The following DAB1 variants were observed in gnomAD, a reference collection of about 807,000 sequenced individuals.
DAB1 encodes the protein disabled homolog 1.
A neutral mutation model predicts 64.6 loss-of-function variants in DAB1; 15 were observed. The observed-to-expected ratio is 0.23, with a 90% confidence interval of 0.16 to 0.36. DAB1 has a LOEUF of 0.36. Ranked by LOEUF, DAB1 falls within the 10% of genes least tolerant of loss-of-function variation. The probability of loss-of-function intolerance (pLI) is 1.00; values close to 1 mark genes in which losing one functional copy is unlikely to be tolerated. For missense variants in DAB1, 596 were observed against 706.7 expected (o/e 0.84, Z 1.78); for synonymous variants, 235 against 251.9 (o/e 0.93, Z 0.64).
intron 6 of DAB1, among the ~76,000 whole-genome samples, chr1:57,681,074 T>C (rs1041361090): frequency 1.3e-5 from 2 of 152,208 alleles, no homozygotes; most frequent in Non-Finnish European, 2.9e-5. Flanking sequence ...TTCTGGAGGC[T>C]AGAAGTTTGA....
intron 7 of DAB1, among the ~76,000 whole-genome samples, chr1:57,492,562 A>G (rs12726704): frequency 0.17 from 25,608 of 152,230 alleles, 2,670 homozygotes; most frequent in Non-Finnish European, 0.24. Flanking sequence ...TGAGGAACTG[A>G]ATTGTTAATT....
intron 4 of DAB1, among the ~76,000 whole-genome samples, chr1:58,299,740 A>G (rs1265415583): frequency 6.6e-6 from 1 of 152,180 alleles, no homozygotes; most frequent in Non-Finnish European, 1.5e-5. Flanking sequence ...GAGACGAATG[A>G]GCAGAATTAC....
At chr1:57,231,948 G>A (rs1204085976) in intron 2 of DAB1, among the ~76,000 whole-genome samples, 1 of 152,074 alleles carries the variant, frequency 6.6e-6, no homozygotes, top group East Asian at 1.9e-4. Flanking sequence ...TGCTTCCCCT[G>A]AGGGTCAGAC....
chr1:57,525,344 G>A (rs1357610615), intron 7 of DAB1, among the ~76,000 whole-genome samples: 1 of 152,098 alleles, frequency 6.6e-6, no homozygotes, highest in Non-Finnish European at 1.5e-5. Context: ...GGAAAGTTTG[G>A]AACTGTGTGA....
At chr1:57,311,459 A>G (rs1180813401) in intron 1 of DAB1, among the ~76,000 whole-genome samples, 1 of 151,914 alleles carries the variant, frequency 6.6e-6, no homozygotes, top group Admixed American at 6.6e-5. Context: ...AAAATCAGAC[A>G]TCAAACTCTG....
chr1:57,566,707 C>T (rs1236618923), intron 7 of DAB1, among the ~76,000 whole-genome samples: 6 of 151,894 alleles, frequency 4.0e-5, no homozygotes, highest in Non-Finnish European at 8.8e-5. Context: ...ACACATACAC[C>T]CTCCCAAGAC....
chr1:57,539,477 C>T lies in DAB1; in HGVS notation n.625+110115G>A, dbSNP rs932192326. On this transcript the variant is annotated intron_variant and non_coding_transcript_variant, in intron 7 of 20. Coordinates refer to the DAB1 transcript ENST00000485760. ...TATGATTTCAAATTACTTTGAGTCACTGCATGTGTAACTGACAAGGAAGTG... is the reference window on the plus strand; with the variant it reads ...TATGATTTCAAATTACTTTGAGTCATTGCATGTGTAACTGACAAGGAAGTG... Among the ~76,000 whole-genome samples the T allele has an allele frequency of 2.6e-5, 4 of 152,176 alleles. No homozygotes were observed. In the East Asian group the frequency reaches 7.7e-4, roughly 29 times the overall value.
chr1:58,404,237 A>G (rs1039448239), intron 3 of DAB1, among the ~76,000 whole-genome samples: 1 of 152,212 alleles, frequency 6.6e-6, no homozygotes, highest in East Asian at 1.9e-4. Flanking sequence ...TGTGAGTCTA[A>G]GAGTCTAAGA....
downstream of DAB1, among the ~76,000 whole-genome samples, chr1:57,823,709 T>A (rs1452773005): frequency 6.6e-6 from 1 of 152,128 alleles, no homozygotes; most frequent in East Asian, 1.9e-4. Context: ...AAAAGGAAAG[T>A]GGCCCTGACA....
intron 1 of DAB1, among the ~76,000 whole-genome samples, chr1:57,305,480 C>T (rs911155568): frequency 1.6e-4 from 24 of 152,186 alleles, no homozygotes; most frequent in Admixed American, 1.0e-3. Flanking sequence ...CCACACAGGT[C>T]AGCTTCCCAG....
chr1:57,023,820 A>G lies in DAB1; in HGVS notation c.787-181T>C, dbSNP rs1186943898. 2.0e-5 allele frequency among the ~76,000 whole-genome samples: 3 copies of G among 152,230 alleles called. No homozygotes were observed. In the East Asian group the frequency reaches 5.8e-4, roughly 29 times the overall value. Reference sequence around the variant, plus strand: ...TATCTATATGGGAAATGACACCTCCAGAGCTACTGTGAGGATTAAGTGAGA... The same window carrying G: ...TATCTATATGGGAAATGACACCTCCGGAGCTACTGTGAGGATTAAGTGAGA... On this transcript the variant is annotated intron_variant, in intron 10 of 14. Transcript: ENST00000371236.
At chr1:58,287,966 G>A (rs1661725914) in intron 4 of DAB1, among the ~76,000 whole-genome samples, 1 of 142,056 alleles carries the variant, frequency 7.0e-6, no homozygotes, top group African/African-American at 2.7e-5. Flanking sequence ...AGGCTACAGT[G>A]AGCTGAGATC....
At chr1:58,227,049 T>C (rs752491471) in intron 4 of DAB1, among the ~76,000 whole-genome samples, 1 of 152,212 alleles carries the variant, frequency 6.6e-6, no homozygotes, top group Non-Finnish European at 1.5e-5. Flanking sequence ...AGGAGGAAAC[T>C]GTGGCTCAGA....
chr1:57,910,584 G>A (rs1006062820), intron 5 of DAB1, among the ~76,000 whole-genome samples: 2 of 152,196 alleles, frequency 1.3e-5, no homozygotes, highest in African/African-American at 4.8e-5. Flanking sequence ...GGAAAGGTCA[G>A]GGGGAAGTTT....
chr1:57,588,455 G>A (rs1017735543), intron 7 of DAB1, among the ~76,000 whole-genome samples: 4 of 152,140 alleles, frequency 2.6e-5, no homozygotes, highest in African/African-American at 7.2e-5. Flanking sequence ...TGATCAAAAC[G>A]ATTAATGACA....
At chr1:57,404,576 CTT>C (rs1183966713) in intron 1 of DAB1, among the ~76,000 whole-genome samples, 2 of 152,034 alleles carry the variant, frequency 1.3e-5, no homozygotes, top group Non-Finnish European at 2.9e-5. Context: ...GTATAAATGA[CTT>C]TTTTTCTCTT....
chr1:58,242,747 A>G (rs1486513997), intron 4 of DAB1, among the ~76,000 whole-genome samples: 2 of 152,104 alleles, frequency 1.3e-5, no homozygotes, highest in African/African-American at 2.4e-5. Flanking sequence ...ACCTGACCTC[A>G]GTTTCAAGAG....
At position 58,506,094 on chromosome 1, in the gene DAB1, T is replaced by C. The variant is rs756457268; in HGVS notation, n.223A>G. 4 of 871,810 alleles carry C rather than the reference T, an allele frequency of 4.6e-6. No individual in the cohort carries two copies. In the South Asian group the frequency reaches 5.2e-5, roughly 11 times the overall value. 54.0% of individuals were successfully genotyped at this position (871,810 alleles called of 1,614,324 possible). Reference sequence around the variant, plus strand: ...AAGTCTATCCAAGTACTCAACTCGATTGCCATGAGAAGGGTGTGTAGATAA... The same window carrying C: ...AAGTCTATCCAAGTACTCAACTCGACTGCCATGAGAAGGGTGTGTAGATAA... On this transcript the variant is annotated non_coding_transcript_exon_variant, in exon 3 of 21. Transcript: ENST00000485760.
At chr1:57,268,771 C>T (rs1014556629) in intron 2 of DAB1, among the ~76,000 whole-genome samples, 2 of 152,150 alleles carry the variant, frequency 1.3e-5, no homozygotes, top group African/African-American at 2.4e-5. Flanking sequence ...AAGTAGCTTG[C>T]GGAGCTAGGA....
Sources: allele counts gnomAD v4.1 joint callset (sites outside exome capture counted in the v4.1 genomes callset), GRCh38; gene constraint gnomAD v4.1.1; transcripts MANE v1.5; gene names NCBI Gene and HGNC (gene_info 2026-07-23, HGNC 2026-07-21).